SGMS1: variants seen among roughly 807,000 people sequenced by gnomAD.
SGMS1 encodes phosphatidylcholine:ceramide cholinephosphotransferase 1.
A neutral mutation model predicts 46.2 loss-of-function variants in SGMS1; 13 were observed. That is an observed-to-expected ratio of 0.28 (90% CI 0.18 to 0.45). The LOEUF is 0.45. Among genes scored for constraint, SGMS1 ranks in the 20% least tolerant of loss-of-function variants. The pLI is 1.00. For missense variants in SGMS1, 324 were observed against 519.9 expected, an observed-to-expected ratio of 0.62 and a Z score of 3.66; for synonymous variants, 203 against 187.8, an observed-to-expected ratio of 1.08 and a Z score of -0.66.
intron 1 of SGMS1, 54 bp downstream of exon 1, chr10:50,623,653 C>G: frequency 2.0e-6 from 2 of 985,396 alleles, no homozygotes; most frequent in Non-Finnish European, 2.4e-6. Context: ...GACAGGTGTC[C>G]GATCGGCCCC....
rs1849433076 is a variant in SGMS1 at position 50,433,567 on chromosome 10, C to T, written c.-312-11G>A. The T allele has an allele frequency of 1.3e-5, 2 of 152,404 alleles. No individual in the cohort carries two copies. Among genetic ancestry groups the T allele is most frequent in the East Asian group, 3.8e-4 (2 of 5,320 alleles). 9.4% of individuals were successfully genotyped at this position (152,404 alleles called of 1,614,324 possible). A position where few individuals can be genotyped will look rare whatever the true frequency, so the allele number is the denominator to read the frequency against. Reference sequence around the variant, plus strand: ...GTACAGTTCCATCACCTGTCATAAGCAGAAAGAATCTAATTAGTTACATGT... The same window carrying T: ...GTACAGTTCCATCACCTGTCATAAGTAGAAAGAATCTAATTAGTTACATGT... On this transcript the variant is annotated splice_polypyrimidine_tract_variant and intron_variant, in intron 5 of 10. Transcript: ENST00000361781.
chr10:50,552,876 A>G (rs1838160304), intron 2 of SGMS1, among the ~76,000 whole-genome samples: 1 of 152,216 alleles, frequency 6.6e-6, no homozygotes, highest in Non-Finnish European at 1.5e-5. Flanking sequence ...ACCAAAGAGA[A>G]GAGAAGAAGG....
chr10:50,332,028 C>T (rs1455043813), intron 7 of SGMS1, among the ~76,000 whole-genome samples: 2 of 152,174 alleles, frequency 1.3e-5, no homozygotes, highest in African/African-American at 4.8e-5. Context: ...TTTAGAACCG[C>T]CAGAATCATC....
chr10:50,620,393 T>C (rs1249681561), intron 1 of SGMS1, among the ~76,000 whole-genome samples: 2 of 152,260 alleles, frequency 1.3e-5, no homozygotes, highest in Non-Finnish European at 2.9e-5. Flanking sequence ...GAGACTGTTA[T>C]GGCTATAGCT....
At chr10:50,438,895 C>T (rs544385956) in intron 5 of SGMS1, among the ~76,000 whole-genome samples, 2 of 152,284 alleles carry the variant, frequency 1.3e-5, no homozygotes, top group Admixed American at 6.5e-5. Flanking sequence ...AAATAGCAAT[C>T]GTATAAATGG....
intron 6 of SGMS1, among the ~76,000 whole-genome samples, chr10:50,433,215 T>C (rs895080292): frequency 6.6e-6 from 1 of 152,300 alleles, no homozygotes; most frequent in African/African-American, 2.4e-5. Flanking sequence ...GGAATTCTCT[T>C]AATTCTTCAA....
Position 50,618,418 on chromosome 10 carries a change from G to A in SGMS1, c.-684+5289C>T, listed in dbSNP as rs578130828. On this transcript the variant is annotated intron_variant, in intron 1 of 10. Coordinates refer to ENST00000361781, the MANE Select transcript of SGMS1 (RefSeq NM_147156.4). ...GACAAAGTTGATAAACAGAAGACAG[G>A]ATGAGATTAACATCTAGAATATACC... Among the ~76,000 whole-genome samples, 18 of 152,230 alleles carry A rather than the reference G, an allele frequency of 1.2e-4. No individual in the cohort carries two copies. The South Asian group carries it at 3.3e-3, about 28-fold the overall frequency.
intron 3 of SGMS1, among the ~76,000 whole-genome samples, chr10:50,513,295 G>A (rs1006738906): frequency 6.6e-6 from 1 of 152,164 alleles, no homozygotes; most frequent in African/African-American, 2.4e-5. Context: ...GAAAAACAGC[G>A]AAGTAGGTAG....
chr10:50,472,335 C>T (rs1837385489), intron 3 of SGMS1, among the ~76,000 whole-genome samples: 1 of 152,130 alleles, frequency 6.6e-6, no homozygotes, highest in African/African-American at 2.4e-5. Context: ...ATTTATCTCT[C>T]CATCCCCTTC....
At chr10:50,451,674 A>C (rs892460692) in intron 5 of SGMS1, among the ~76,000 whole-genome samples, 12 of 152,174 alleles carry the variant, frequency 7.9e-5, no homozygotes, top group African/African-American at 2.9e-4. Flanking sequence ...AAGAAAAAAA[A>C]CTAAAGTTCA....
chr10:50,526,849 G>T (rs972769402), intron 2 of SGMS1, among the ~76,000 whole-genome samples: 1 of 151,954 alleles, frequency 6.6e-6, no homozygotes, highest in Non-Finnish European at 1.5e-5. Flanking sequence ...GGTGGATCAC[G>T]AGGTCAAGAG....
chr10:50,327,186 A>T lies in SGMS1; in HGVS notation c.741+19T>A. On this transcript the variant is annotated intron_variant, in intron 8 of 10. Coordinates refer to ENST00000361781, the MANE Select transcript of SGMS1 (RefSeq NM_147156.4). ...CAAGAAACAAACAGAAAGCGAAATT[A>T]CAGCGAGGAATAGTTTACCTTCGGA... 1 of 1,428,418 alleles carries T rather than the reference A, an allele frequency of 7.0e-7. No individual in the cohort carries two copies. The highest frequency in any genetic ancestry group is 9.8e-7 in the Non-Finnish European group (1 of 1,019,934). 88.5% of individuals were successfully genotyped at this position (1,428,418 alleles called of 1,614,324 possible).
intron 6 of SGMS1, chr10:50,418,565 G>A (rs1849212871): frequency 6.6e-6 from 1 of 152,226 alleles, no homozygotes; most frequent in African/African-American, 2.4e-5. Flanking sequence ...ACCAAGCTTA[G>A]AAGCCTTTCA....
At chr10:50,449,858 T>A (rs201037342) in intron 5 of SGMS1, among the ~76,000 whole-genome samples, 1 of 3,578 alleles carries the variant, frequency 2.8e-4, no homozygotes, top group Non-Finnish European at 4.5e-4. Context: ...TTGGTTGTTC[T>A]TTTTTTTTTC....
chr10:50,476,941 A>G (rs1411605432), intron 3 of SGMS1, among the ~76,000 whole-genome samples: 1 of 152,262 alleles, frequency 6.6e-6, no homozygotes, highest in East Asian at 1.9e-4. Flanking sequence ...CAAAGCCCTC[A>G]TGGAGAACCT....
chr10:50,624,397 T>C (rs367665342), upstream of SGMS1, among the ~76,000 whole-genome samples: 1 of 152,174 alleles, frequency 6.6e-6, no homozygotes, highest in East Asian at 1.9e-4. Flanking sequence ...ACACTTGGGA[T>C]TAATGCCCAA....
chr10:50,376,748 C>G (rs544080914), intron 6 of SGMS1, among the ~76,000 whole-genome samples: 6 of 152,290 alleles, frequency 3.9e-5, no homozygotes, highest in African/African-American at 1.4e-4. Context: ...CATGTCCCTA[C>G]AAAGGACATG....
At chr10:50,564,324 C>T (rs1838269541) in intron 2 of SGMS1, among the ~76,000 whole-genome samples, 1 of 152,146 alleles carries the variant, frequency 6.6e-6, no homozygotes, top group African/African-American at 2.4e-5. Context: ...GTTTCCTGAC[C>T]CGGGTGGTGG....
chr10:50,311,494 T>C (rs1847251052), intron 8 of SGMS1, 79 bp from the exon 9 acceptor site: 2 of 1,246,698 alleles, frequency 1.6e-6, no homozygotes, highest in Non-Finnish European at 2.1e-6. Flanking sequence ...ACTATTCATA[T>C]CCAGAATTAA....
Sources: gnomAD v4.1 joint callset for allele counts (sites outside exome capture counted in the v4.1 genomes callset) on GRCh38, gnomAD v4.1.1 for gene constraint, MANE v1.5 for transcripts, NCBI Gene and HGNC (gene_info 2026-07-23, HGNC 2026-07-21) for gene names.